TAS2R1: variants seen among roughly 807,000 people sequenced by gnomAD.
TAS2R1 encodes the protein taste receptor type 2 member 1.
For synonymous variants in TAS2R1, 141 were observed against 134.2 expected, an observed-to-expected ratio of 1.05 and a Z score of -0.35; for missense variants, 370 against 353.4, an observed-to-expected ratio of 1.05 and a Z score of -0.38.
chr5:9,865,274 A>C, the TAS2R1 span, among the ~76,000 whole-genome samples: 194 of 152,298 alleles, frequency 1.3e-3, 1 homozygote, highest in African/African-American at 4.5e-3. Flanking sequence ...AGGATGTAAA[A>C]TCAACAAGAC....
chr5:9,741,897 G>T, the TAS2R1 span, among the ~76,000 whole-genome samples: 7,762 of 151,394 alleles, frequency 0.051, 219 homozygotes, highest in African/African-American at 0.069. Context: ...AAACAAGACT[G>T]TTTTTTTTTA....
chr5:9,882,583 G>C, the TAS2R1 span, among the ~76,000 whole-genome samples: 1 of 152,168 alleles, frequency 6.6e-6, no homozygotes, highest in Admixed American at 6.5e-5. Context: ...CCGAGATCAT[G>C]CCACTGCACT....
upstream of TAS2R1, among the ~76,000 whole-genome samples, chr5:9,633,294 T>TATTATATATATATATA (rs1476544403): frequency 2.7e-4 from 18 of 67,820 alleles, no homozygotes; most frequent in African/African-American, 1.3e-3. Flanking sequence ...TGTGTGTATA[T>TATTATATATATATATA]TATATATATA....
chr5:9,798,801 T>G, the TAS2R1 span, among the ~76,000 whole-genome samples: 1 of 152,342 alleles, frequency 6.6e-6, no homozygotes, highest in Non-Finnish European at 1.5e-5. Flanking sequence ...CAGTACCACA[T>G]GGACAGCTGA....
upstream of TAS2R1, among the ~76,000 whole-genome samples, chr5:9,717,322 A>G (rs564212826): frequency 6.6e-6 from 1 of 152,160 alleles, no homozygotes; most frequent in South Asian, 2.1e-4. Flanking sequence ...GGAAAGAAGG[A>G]CTTAAGAAGG....
At chr5:9,872,847 G>C in the TAS2R1 span, among the ~76,000 whole-genome samples, 1 of 152,204 alleles carries the variant, frequency 6.6e-6, no homozygotes, top group South Asian at 2.1e-4. Context: ...TGAAGAAACA[G>C]TGCATGTAAT....
the TAS2R1 span, among the ~76,000 whole-genome samples, chr5:9,880,641 AG>A: frequency 0.41 from 61,606 of 151,996 alleles, 14,925 homozygotes; most frequent in Non-Finnish European, 0.52. Context: ...AAATGTCTCC[AG>A]GCATTTCCAA....
At chr5:9,827,451 T>C in the TAS2R1 span, among the ~76,000 whole-genome samples, 25 of 152,142 alleles carry the variant, frequency 1.6e-4, no homozygotes, top group Non-Finnish European at 2.4e-4. Flanking sequence ...AAAACATAAA[T>C]TGGGCCAGGA....
At chr5:9,740,766 T>C in the TAS2R1 span, among the ~76,000 whole-genome samples, 1 of 152,140 alleles carries the variant, frequency 6.6e-6, no homozygotes, top group Admixed American at 6.5e-5. Flanking sequence ...CACCGAGGAG[T>C]GGGTCTCCTG....
chr5:9,782,397 C>T, the TAS2R1 span, among the ~76,000 whole-genome samples: 2 of 150,746 alleles, frequency 1.3e-5, no homozygotes, highest in Non-Finnish European at 3.0e-5. Flanking sequence ...CTGCCTTTTC[C>T]CCTTCAAAAC....
intron 1 of TAS2R1, among the ~76,000 whole-genome samples, chr5:9,710,837 G>A (rs1741716545): frequency 6.7e-6 from 1 of 149,192 alleles, no homozygotes; most frequent in African/African-American, 2.5e-5. Flanking sequence ...ACCACAATGA[G>A]ATAGCACCCC....
chr5:9,774,343 T>TA, the TAS2R1 span, among the ~76,000 whole-genome samples: 1 of 152,252 alleles, frequency 6.6e-6, no homozygotes, highest in African/African-American at 2.4e-5. Context: ...TATCTTGAGT[T>TA]CCATTGAGTT....
In TAS2R1 at chr5:9,685,403, T is replaced by C. The variant is rs528294609; in HGVS notation, c.-241-25822A>G. 7.8e-4 allele frequency among the ~76,000 whole-genome samples: 118 copies of C among 152,212 alleles called. 1 individual carries two copies. The highest frequency in any genetic ancestry group is 2.7e-3 in the African/African-American group (113 of 41,554). On this transcript the variant is annotated intron_variant, in intron 1 of 2. Coordinates refer to the TAS2R1 transcript ENST00000506620. ...TTTTGGAGAGCTATAGATGTAATAATATAATTACAAATACTTATAATAACA... is the reference window on the plus strand; with the variant it reads ...TTTTGGAGAGCTATAGATGTAATAACATAATTACAAATACTTATAATAACA...
chr5:9,813,506 C>T, the TAS2R1 span, among the ~76,000 whole-genome samples: 16 of 152,248 alleles, frequency 1.1e-4, no homozygotes, highest in Non-Finnish European at 1.8e-4. Flanking sequence ...AAGTGGAAGC[C>T]ATGTGTTGAG....
chr5:9,638,434 A>G (rs1417647909), intron 2 of TAS2R1, among the ~76,000 whole-genome samples: 2 of 152,142 alleles, frequency 1.3e-5, no homozygotes, highest in Non-Finnish European at 2.9e-5. Context: ...TGTCATGTGG[A>G]CAGACTCAGG....
the TAS2R1 span, among the ~76,000 whole-genome samples, chr5:9,726,402 G>A: frequency 1.3e-5 from 2 of 152,210 alleles, no homozygotes; most frequent in African/African-American, 2.4e-5. Flanking sequence ...GGTGAGGCCA[G>A]ATAAGAGAAT....
At chr5:9,648,679 A>T (rs1420053634) in intron 2 of TAS2R1, among the ~76,000 whole-genome samples, 2 of 147,906 alleles carry the variant, frequency 1.4e-5, no homozygotes, top group East Asian at 2.0e-4. Flanking sequence ...GATCTCCATC[A>T]TTTTTTTCGG....
the TAS2R1 span, among the ~76,000 whole-genome samples, chr5:9,827,484 C>T: frequency 6.6e-6 from 1 of 152,154 alleles, no homozygotes; most frequent in Non-Finnish European, 1.5e-5. Flanking sequence ...GCTTGAATGT[C>T]AGCACTTTTG....
chr5:9,777,633 A>C, the TAS2R1 span, among the ~76,000 whole-genome samples: 1 of 152,260 alleles, frequency 6.6e-6, no homozygotes, highest in Non-Finnish European at 1.5e-5. Flanking sequence ...AAGTGTTCTT[A>C]ATGACATCTA....
Sources: allele counts gnomAD v4.1 joint callset (sites outside exome capture counted in the v4.1 genomes callset), GRCh38; gene constraint gnomAD v4.1.1; transcripts MANE v1.5; gene names NCBI Gene and HGNC (gene_info 2026-07-23, HGNC 2026-07-21).